The following LRPPRC variants were observed in gnomAD, a reference collection of about 807,000 sequenced individuals.
LRPPRC encodes the protein leucine rich pentatricopeptide repeat containing.
Under a neutral mutation model 180.3 loss-of-function variants are expected in LRPPRC, and 120 were observed. That is an observed-to-expected ratio of 0.67 (90% CI 0.57 to 0.77). The LOEUF (loss-of-function observed/expected upper bound fraction) is 0.77. LRPPRC is among the 30% of genes least tolerant of loss of function. LRPPRC has a pLI of 0.00. For missense variants in LRPPRC, 2,012 were observed against 1,657.2 expected (o/e 1.21, Z -3.72); for synonymous variants, 723 against 600.0 (o/e 1.21, Z -3.00).
chr2:43,926,130 A>G (rs576418878), intron 25 of LRPPRC, among the ~76,000 whole-genome samples, 169 bp from the exon 26 acceptor site: 20 of 152,188 alleles, frequency 1.3e-4, no homozygotes, highest in Non-Finnish European at 2.8e-4. Context: ...AATTTATACT[A>G]TAACTAATAC....
chr2:43,932,165 G>A (rs913415217), intron 25 of LRPPRC, among the ~76,000 whole-genome samples: 4 of 129,338 alleles, frequency 3.1e-5, no homozygotes, highest in Admixed American at 8.3e-5. Context: ...ACTGGAGACT[G>A]TCAAATATAC....
chr2:43,908,508 TA>T (rs1173031949), intron 30 of LRPPRC, among the ~76,000 whole-genome samples: 2 of 152,108 alleles, frequency 1.3e-5, no homozygotes, highest in Admixed American at 6.5e-5. Flanking sequence ...ATAAAAATGA[TA>T]TTTTTTTTAA....
rs1420707413 is a variant in LRPPRC at position 43,948,392 on chromosome 2, A to G, written c.1842+20T>C. The G allele has an allele frequency of 6.7e-7, 1 of 1,482,304 alleles. No homozygotes were observed. Among genetic ancestry groups the G allele is most frequent in the East Asian group, 2.3e-5 (1 of 44,276 alleles). 91.8% of individuals were successfully genotyped at this position (1,482,304 alleles called of 1,614,324 possible). On this transcript the variant is annotated intron_variant, in intron 17 of 37. Transcript: ENST00000260665. ...ATGTCAGGCAGGACAGGCATTATAT[A>G]GCAAAAAACGAAATGGTACCATCTT...
chr2:43,949,118 G>A (rs1672803658), intron 16 of LRPPRC, among the ~76,000 whole-genome samples: 1 of 152,136 alleles, frequency 6.6e-6, no homozygotes, highest in African/African-American at 2.4e-5. Context: ...GGATAGAAAT[G>A]TAAACTTTCA....
At chr2:43,900,638 CA>C (rs892297678) in intron 32 of LRPPRC, among the ~76,000 whole-genome samples, 5 of 150,202 alleles carry the variant, frequency 3.3e-5, no homozygotes, top group East Asian at 3.9e-4. Flanking sequence ...CTCAAACAAA[CA>C]AAAAAAAACC....
chr2:43,954,031 CTT>C (rs1163426095), intron 14 of LRPPRC, among the ~76,000 whole-genome samples: 1 of 152,160 alleles, frequency 6.6e-6, no homozygotes, highest in African/African-American at 2.4e-5. Flanking sequence ...AACTCAGTAA[CTT>C]TTCCAAATAC....
At chr2:43,936,748 C>T (rs968050947) in intron 23 of LRPPRC, among the ~76,000 whole-genome samples, 6 of 152,090 alleles carry the variant, frequency 3.9e-5, no homozygotes, top group Admixed American at 2.6e-4. Context: ...CTTCTGGCAC[C>T]CCACAGAGTC....
In LRPPRC at chr2:43,947,264, G is replaced by A. The variant is rs372341254; in HGVS notation, c.2072C>T (p.Ser691Leu). Residue 691 changes from serine to leucine, a missense_variant, in exon 20 of 38, where the codon TCA becomes TTA. Transcript: ENST00000260665. ...TATTAAAACAAATGTTACCTCTTCT[G>A]AACAAAGCACTAATATGAGTTGCTT... ...VLKQLILVLC[S>L]EENMQKALEL... 36 of 1,545,250 alleles carry A rather than the reference G, an allele frequency of 2.3e-5. 1 individual carries two copies. The highest frequency in any genetic ancestry group is 1.4e-4 in the East Asian group (6 of 44,424).
chr2:43,987,154 G>A (rs1297941747), intron 1 of LRPPRC, among the ~76,000 whole-genome samples: 1 of 152,046 alleles, frequency 6.6e-6, no homozygotes, highest in Non-Finnish European at 1.5e-5. Flanking sequence ...GGAGCCTCCC[G>A]AGTTTTAAAT....
intron 1 of LRPPRC, among the ~76,000 whole-genome samples, chr2:43,988,524 G>A (rs992513231): frequency 2.0e-5 from 3 of 152,030 alleles, no homozygotes; most frequent in African/African-American, 4.8e-5. Context: ...CAGTAAGAGC[G>A]AAACTCCGTC....
At chr2:43,977,885 C>G (rs1674130638) in intron 3 of LRPPRC, among the ~76,000 whole-genome samples, 2 of 152,208 alleles carry the variant, frequency 1.3e-5, no homozygotes, top group South Asian at 4.2e-4. Flanking sequence ...GTCTTTATAT[C>G]AATTTTGTGG....
Position 43,894,600 on chromosome 2 carries a change from C to G in LRPPRC, c.3930G>C (p.Leu1310Phe), listed in dbSNP as rs1378110686. Reference protein sequence around the residue: ...KASTVKSVLELIPELNEKEEA... With the variant: ...KASTVKSVLEFIPELNEKEEA... ...CTTCCTTTTCATTTAATTCAGGAATCAATTCTAACACAGATTTCACAGTTG... is the reference window on the plus strand; with the variant it reads ...CTTCCTTTTCATTTAATTCAGGAATGAATTCTAACACAGATTTCACAGTTG... Residue 1310 changes from leucine to phenylalanine, a missense_variant, in exon 36 of 38, where the codon TTG becomes TTC. Coordinates refer to ENST00000260665, the MANE Select transcript of LRPPRC (RefSeq NM_133259.4). 1 of 1,581,598 alleles carries G rather than the reference C, an allele frequency of 6.3e-7. No individual in the cohort carries two copies.
rs1674099496 is a variant in LRPPRC at position 43,977,258 on chromosome 2, C to G, written c.488G>C (p.Ser163Thr). ...LQKLGAVYDV[S>T]HYNALLKVYL... ...GACTTTAAGTAAAGCATTATAGTGA[C>G]TCACATCATACACAGCACCTACAAA... is the stretch of plus-strand genomic sequence containing the variant. The change falls in exon 4 of 38, where the codon AGT becomes ACT. Residue 163 changes from serine (S) to threonine (T), a missense_variant. Ser to Thr is a moderately conservative substitution (Grantham distance 58). Transcript: ENST00000260665. The G allele has an allele frequency of 6.3e-7, 1 of 1,599,826 alleles. No homozygotes were observed. Among genetic ancestry groups the G allele is most frequent in the Admixed American group, 1.7e-5 (1 of 59,966 alleles).
intron 29 of LRPPRC, 53 bp downstream of exon 29, chr2:43,917,972 A>G (rs1310326585): frequency 2.1e-5 from 27 of 1,289,014 alleles, no homozygotes; most frequent in Non-Finnish European, 2.9e-5. Flanking sequence ...CCACACTGCT[A>G]TTAGAAAGAA....
At chr2:43,977,748 A>T (rs554931464) in intron 3 of LRPPRC, among the ~76,000 whole-genome samples, 1 of 152,184 alleles carries the variant, frequency 6.6e-6, no homozygotes, top group South Asian at 2.1e-4. Flanking sequence ...GATGAACATG[A>T]TCTATGGTAT....
rs190016453 is a variant in LRPPRC, at chr2:43,902,383, C to T, written c.3365-859G>A. 46 of 152,184 alleles carry T rather than the reference C, an allele frequency of 3.0e-4. 1 individual carries two copies. The highest frequency in any genetic ancestry group is 9.2e-4 in the African/African-American group (38 of 41,512). 9.4% of individuals were successfully genotyped at this position (152,184 alleles called of 1,614,324 possible). A position where few individuals can be genotyped will look rare whatever the true frequency, so the allele number is the denominator to read the frequency against. The stretch of plus-strand genomic sequence containing the variant: ...GCCTAACAATCACCCCTACCATTAT[C>T]GAAGAAAACTTAATAGCTTTATAGC... On this transcript the variant is annotated intron_variant, in intron 31 of 37. Transcript: ENST00000260665.
intron 36 of LRPPRC, among the ~76,000 whole-genome samples, chr2:43,893,191 G>C (rs747968305): frequency 5.3e-5 from 8 of 152,182 alleles, no homozygotes; most frequent in Non-Finnish European, 1.2e-4. Context: ...TCTTGAGAAG[G>C]AATCTACTCT....
chr2:43,926,080 T>C (rs533589077), intron 25 of LRPPRC, 119 bp from the exon 26 acceptor site: 2 of 667,908 alleles, frequency 3.0e-6, no homozygotes, highest in Non-Finnish European at 5.4e-6. Flanking sequence ...ACTAAACTTA[T>C]ATACTAAACT....
intron 1 of LRPPRC, among the ~76,000 whole-genome samples, chr2:43,992,157 G>C (rs1674809984): frequency 6.6e-6 from 1 of 152,196 alleles, no homozygotes; most frequent in Non-Finnish European, 1.5e-5. Context: ...AGTCAAATGG[G>C]AGAGGCAGTC....
Sources: allele counts gnomAD v4.1 joint callset (sites outside exome capture counted in the v4.1 genomes callset), GRCh38; gene constraint gnomAD v4.1.1; transcripts MANE v1.5; gene names NCBI Gene and HGNC (gene_info 2026-07-23, HGNC 2026-07-21).